Variants in CEP170 observed in about 807,000 individuals in gnomAD.
CEP170 encodes centrosomal protein of 170 kDa.
In CEP170, 21 loss-of-function variants were observed where a neutral mutation model predicts 151.9. That is an observed-to-expected ratio of 0.14 (90% CI 0.10 to 0.20). The LOEUF (loss-of-function observed/expected upper bound fraction) is 0.20. CEP170 is among the 10% of genes least tolerant of loss of function. The pLI, the probability that CEP170 is intolerant of heterozygous loss-of-function variation, is 1.00. For synonymous variants in CEP170, 356 were observed against 648.8 expected (o/e 0.55, Z 6.86); for missense variants, 964 against 1,892.9 (o/e 0.51, Z 9.11).
intron 19 of CEP170, 86 bp downstream of exon 19, chr1:243,128,163 T>A (rs558979707): frequency 3.1e-5 from 39 of 1,255,348 alleles, no homozygotes; most frequent in Non-Finnish European, 4.1e-5. Context: ...TCAAATAACA[T>A]CCTAACAATA....
intron 1 of CEP170, among the ~76,000 whole-genome samples, chr1:243,225,834 T>A (rs2063175607): frequency 6.6e-6 from 1 of 151,976 alleles, no homozygotes; most frequent in African/African-American, 2.4e-5. Flanking sequence ...TTTCAATTTC[T>A]TTTTCCTCAC....
At chr1:243,144,182 G>C (rs1398402018) in intron 14 of CEP170, among the ~76,000 whole-genome samples, 1 of 152,098 alleles carries the variant, frequency 6.6e-6, no homozygotes, top group Non-Finnish European at 1.5e-5. Context: ...TACACAGAAG[G>C]CACCATTATA....
intron 1 of CEP170, among the ~76,000 whole-genome samples, chr1:243,226,063 A>ATC (rs201542277): frequency 1.4e-4 from 20 of 138,148 alleles, no homozygotes; most frequent in Non-Finnish European, 2.9e-4. Context: ...ATCTAGATAT[A>ATC]TATATCTATA....
chr1:243,226,104 CGTA>C (rs1266670260), intron 1 of CEP170, among the ~76,000 whole-genome samples: 3 of 121,456 alleles, frequency 2.5e-5, no homozygotes, highest in African/African-American at 1.2e-4. Context: ...TATATATACA[CGTA>C]TATATATGTA....
At chr1:243,233,114 T>C (rs2063905078) in intron 1 of CEP170, among the ~76,000 whole-genome samples, 1 of 152,240 alleles carries the variant, frequency 6.6e-6, no homozygotes, top group Non-Finnish European at 1.5e-5. Flanking sequence ...TTTATCTTTT[T>C]GTCACATAAA....
chr1:243,252,150 C>A (rs1177035979), intron 1 of CEP170, among the ~76,000 whole-genome samples: 1 of 152,162 alleles, frequency 6.6e-6, no homozygotes, highest in Non-Finnish European at 1.5e-5. Flanking sequence ...CCAGTCAATA[C>A]TATCTACTCA....
chr1:243,125,459 TC>T lies in CEP170; in HGVS notation c.*989del. 6.5e-6 allele frequency: 1 copy of T among 152,778 alleles called. No homozygotes were observed. The highest frequency in any genetic ancestry group is 1.9e-4 in the East Asian group (1 of 5,188). The allele number at this position is 152,778 out of a possible 1,614,324, so 9.5% of individuals were successfully genotyped here. ...ATCTTACGACTACTGGTTCTCCAAG[TC>T]CCCTAATGAAGAAAATTTTAACCTC... is the stretch of plus-strand genomic sequence containing the variant. On this transcript the variant is annotated 3_prime_UTR_variant, in exon 20 of 20. Transcript: ENST00000366542.
intron 6 of CEP170, 86 bp downstream of exon 6, chr1:243,200,432 T>C: frequency 1.3e-6 from 2 of 1,570,066 alleles, no homozygotes; most frequent in South Asian, 1.2e-5. Flanking sequence ...TATTTTTATA[T>C]GGACATAGCC....
chr1:243,153,308 A>C (rs1035257007), intron 14 of CEP170, among the ~76,000 whole-genome samples: 43 of 152,248 alleles, frequency 2.8e-4, no homozygotes, highest in African/African-American at 1.0e-3. Context: ...CAAAGGATTC[A>C]GAATATTACA....
intron 4 of CEP170, among the ~76,000 whole-genome samples, chr1:243,201,634 T>C (rs1043828153): frequency 1.3e-5 from 2 of 152,150 alleles, no homozygotes; most frequent in African/African-American, 4.8e-5. Context: ...GCTGTAACTA[T>C]CATGACTACT....
chr1:243,164,532 T>A lies in CEP170; in HGVS notation c.3428A>T (p.Asn1143Ile), dbSNP rs1301529481. 6.2e-7 allele frequency: 1 copy of A among 1,612,872 alleles called. No homozygotes were observed. The highest frequency in any genetic ancestry group is 8.5e-7 in the Non-Finnish European group (1 of 1,179,342). Reference sequence around the variant, plus strand: ...AGCCAATAAATCAATCCGAGAGATGTTACGCCTTCCTGTGGGAGGTTTTGA... The same window carrying A: ...AGCCAATAAATCAATCCGAGAGATGATACGCCTTCCTGTGGGAGGTTTTGA... ...STSKPPTGRR[N>I]ISRIDLLAQP... The change falls in exon 13 of 20, where the codon AAC becomes ATC. Residue 1143 changes from asparagine to isoleucine, a missense_variant. Physicochemically the swap from Asn to Ile is moderately radical, Grantham distance 149 (BLOSUM62 -3). Transcript: ENST00000366542.
chr1:243,213,656 G>A (rs987682738), intron 3 of CEP170, among the ~76,000 whole-genome samples: 4 of 152,144 alleles, frequency 2.6e-5, no homozygotes, highest in Admixed American at 2.0e-4. Context: ...CATTCAGTAA[G>A]AATCACGTAG....
At chr1:243,211,650 A>C (rs1036621041) in intron 4 of CEP170, 28 of 441,106 alleles carry the variant, frequency 6.3e-5, no homozygotes, top group Non-Finnish European at 1.1e-4. Flanking sequence ...TGCTGAAACT[A>C]CATAAATAGA....
chr1:243,134,080 T>C (rs1439245724), intron 17 of CEP170, among the ~76,000 whole-genome samples: 1 of 152,186 alleles, frequency 6.6e-6, no homozygotes, highest in Non-Finnish European at 1.5e-5. Flanking sequence ...TTGATGCAGG[T>C]TATTGGGCTT....
intron 1 of CEP170, among the ~76,000 whole-genome samples, chr1:243,249,857 T>C (rs913068878): frequency 6.6e-6 from 1 of 152,174 alleles, no homozygotes; most frequent in Non-Finnish European, 1.5e-5. Flanking sequence ...GCCTAGGCAG[T>C]GGACCATGAG....
At chr1:243,237,313 C>G (rs1003939037) in intron 1 of CEP170, among the ~76,000 whole-genome samples, 1 of 152,134 alleles carries the variant, frequency 6.6e-6, no homozygotes, top group Admixed American at 6.5e-5. Context: ...CATGTGTTAA[C>G]TATTGAGCAC....
At chr1:243,233,745 T>A (rs56048040) in intron 1 of CEP170, among the ~76,000 whole-genome samples, 109,047 of 123,004 alleles carry the variant, frequency 0.89, 49,033 homozygotes, top group Non-Finnish European at 0.96. Flanking sequence ...AAAAAAAATA[T>A]ATATATATAT....
chr1:243,191,080 C>T lies in CEP170; in HGVS notation c.1046G>A (p.Arg349Lys). 3 of 1,612,328 alleles carry T rather than the reference C, an allele frequency of 1.9e-6. No homozygotes were observed. The highest frequency in any genetic ancestry group is 2.5e-6 in the Non-Finnish European group (3 of 1,178,964). Residue 349 changes from arginine to lysine, a missense_variant, in exon 8 of 20, where the codon AGA becomes AAA. Transcript: ENST00000366542. ...QNNPPQMLWE[R>K]TEEDSKSIKS... ...AATGCTTTTAGAATCCTCTTCTGTT[C>T]TTTCCCATAGCATTTGAGGAGGGTT...
In CEP170 at chr1:243,196,379, C is replaced by T. The variant is rs200690860; in HGVS notation, c.631+2681G>A. Among the ~76,000 whole-genome samples the T allele has an allele frequency of 1.3e-3, 205 of 152,042 alleles. 2 individuals are homozygous for T. In the East Asian group the frequency reaches 0.036, roughly 26 times the overall value. On this transcript the variant is annotated intron_variant, in intron 7 of 19. Coordinates refer to ENST00000366542, the MANE Select transcript of CEP170 (RefSeq NM_014812.3). ...TCAGTTTCTTTATCTACAAAATCAC[C>T]GTAACTGTACCTTTAGGTATTGCTG... is the stretch of plus-strand genomic sequence containing the variant.
Sources: allele counts gnomAD v4.1 joint callset (sites outside exome capture counted in the v4.1 genomes callset), GRCh38; gene constraint gnomAD v4.1.1; transcripts MANE v1.5; gene names NCBI Gene and HGNC (gene_info 2026-07-23, HGNC 2026-07-21).